TRPM6: variants seen among roughly 807,000 people sequenced by gnomAD.
TRPM6 encodes the protein channel kinase 2.
A neutral mutation model predicts 247.6 loss-of-function variants in TRPM6; 111 were observed. The observed-to-expected ratio is 0.45, with a 90% CI of 0.38 to 0.52. The LOEUF is 0.52. Among genes scored for constraint, TRPM6 ranks in the 20% least tolerant of loss-of-function variants. The pLI is 0.00. For missense variants in TRPM6, 2,126 were observed against 2,421.5 expected (o/e 0.88, Z 2.56); for synonymous variants, 892 against 853.8 (o/e 1.04, Z -0.78).
At chr9:74,887,542 G>T in intron 1 of TRPM6, 10 of 1,375,242 alleles carry the variant, frequency 7.3e-6, no homozygotes, top group Non-Finnish European at 1.0e-5. Context: ...CCCCCGCTAG[G>T]TTTCCGCTCT....
intron 7 of TRPM6, among the ~76,000 whole-genome samples, chr9:74,824,877 G>T (rs1829272911): frequency 6.6e-6 from 1 of 151,406 alleles, no homozygotes; most frequent in Non-Finnish European, 1.5e-5. Context: ...ACTTTATAAT[G>T]TGAGTCTTTT....
chr9:74,768,617 C>T (rs1334427648), intron 25 of TRPM6, among the ~76,000 whole-genome samples: 1 of 152,238 alleles, frequency 6.6e-6, no homozygotes, highest in Non-Finnish European at 1.5e-5. Flanking sequence ...ACTCTATGCT[C>T]TCCCTTAGCT....
At chr9:74,879,624 G>T (rs1831298650) in intron 1 of TRPM6, among the ~76,000 whole-genome samples, 1 of 152,044 alleles carries the variant, frequency 6.6e-6, no homozygotes, top group Non-Finnish European at 1.5e-5. Context: ...CCTGGGAGAA[G>T]AAATTTTGAC....
intron 23 of TRPM6, among the ~76,000 whole-genome samples, chr9:74,780,195 T>C (rs946732093): frequency 4.3e-5 from 6 of 140,308 alleles, no homozygotes; most frequent in Non-Finnish European, 9.2e-5. Context: ...GGGCCAGGCA[T>C]GGTGGCTCAC....
At chr9:74,776,778 A>T (rs1445275041) in intron 23 of TRPM6, among the ~76,000 whole-genome samples, 1 of 152,214 alleles carries the variant, frequency 6.6e-6, no homozygotes, top group East Asian at 1.9e-4. Context: ...TAAGTATATA[A>T]TATGATATAA....
At position 74,808,189 on chromosome 9, in the gene TRPM6, T is replaced by C. The variant is rs533282589; in HGVS notation, c.1498-15A>G. Reference sequence around the variant, plus strand: ...AGAAGGGTATGCTGCAACAAAAACATGCAACGACTTTTAACTTTTAGTTAT... The same window carrying C: ...AGAAGGGTATGCTGCAACAAAAACACGCAACGACTTTTAACTTTTAGTTAT... On this transcript the variant is annotated splice_polypyrimidine_tract_variant and intron_variant, in intron 13 of 38. Coordinates refer to ENST00000360774, the MANE Select transcript of TRPM6 (RefSeq NM_017662.5). The C allele has an allele frequency of 1.7e-5, 28 of 1,613,818 alleles. No individual in the cohort carries two copies. Among genetic ancestry groups the C allele is most frequent in the Admixed American group, 1.0e-4 (6 of 60,010 alleles).
chr9:74,821,402 C>G (rs1249995194), intron 8 of TRPM6, among the ~76,000 whole-genome samples: 1 of 152,134 alleles, frequency 6.6e-6, no homozygotes, highest in Non-Finnish European at 1.5e-5. Context: ...CTCCCTCACT[C>G]CCCCTGCAAA....
rs188182457 is a variant in TRPM6 at position 74,879,284 on chromosome 9, G to T, written c.33+8540C>A. Among the ~76,000 whole-genome samples the T allele has an allele frequency of 9.6e-4, 145 of 150,440 alleles. 2 individuals are homozygous for T. The Middle Eastern group carries it at 0.021, about 22-fold the overall frequency. On this transcript the variant is annotated intron_variant, in intron 1 of 38. Coordinates refer to ENST00000360774, the MANE Select transcript of TRPM6 (RefSeq NM_017662.5). ...AATAACCCAGTCAATGTGGTGTAAT[G>T]ATTTAAATACATATATTTGTATATG...
chr9:74,850,686 C>A (rs932622505), intron 3 of TRPM6, among the ~76,000 whole-genome samples: 1 of 151,904 alleles, frequency 6.6e-6, no homozygotes, highest in Non-Finnish European at 1.5e-5. Flanking sequence ...CACCATTGCA[C>A]TTCACCCTGG....
At chr9:74,879,327 TTATATACA>T (rs1176472541) in intron 1 of TRPM6, among the ~76,000 whole-genome samples, 4 of 150,064 alleles carry the variant, frequency 2.7e-5, no homozygotes, top group African/African-American at 4.9e-5. Context: ...TATATATGAT[TTATATACA>T]TATATACATA....
Position 74,801,927 on chromosome 9 carries a change from A to G in TRPM6, c.1980T>C (p.Asp660=), listed in dbSNP as rs199817587. ...HEAKESHMVD[D]ASEELKNYSK... is the part of the protein sequence containing the mutation. The stretch of plus-strand genomic sequence containing the variant: ...AGTAATTCTTCAACTCTTCTGAGGC[A>G]TCATCCACCATGTGACTCTCCTTAG... The change falls in exon 16 of 39, where the codon GAT becomes GAC. Residue 660 remains aspartate (D), a synonymous_variant. Transcript: ENST00000360774. 48 of 1,614,234 alleles carry G rather than the reference A, an allele frequency of 3.0e-5. No individual in the cohort carries two copies. In the East Asian group the frequency reaches 1.0e-3, roughly 34 times the overall value.
chr9:74,876,660 T>C (rs913925625), intron 1 of TRPM6, among the ~76,000 whole-genome samples: 2 of 152,240 alleles, frequency 1.3e-5, no homozygotes, highest in African/African-American at 2.4e-5. Flanking sequence ...CTTGTGCTTA[T>C]ACCAATCCCT....
intron 25 of TRPM6, among the ~76,000 whole-genome samples, chr9:74,770,124 AAC>A (rs1382789925): frequency 6.6e-6 from 1 of 152,222 alleles, no homozygotes; most frequent in Non-Finnish European, 1.5e-5. Context: ...CAGGCACAGA[AAC>A]ACAGATTTAT....
chr9:74,744,247 G>A (rs909517720), intron 31 of TRPM6, 102 bp from the exon 32 acceptor site: 3 of 1,280,302 alleles, frequency 2.3e-6, no homozygotes, highest in Non-Finnish European at 3.4e-6. Context: ...AGGTTAATCA[G>A]AATGGCTTCT....
chr9:74,845,826 C>G (rs62569729), intron 3 of TRPM6, among the ~76,000 whole-genome samples: 25,317 of 151,974 alleles, frequency 0.17, 2,391 homozygotes, highest in East Asian at 0.28. Context: ...AACTCTGTCT[C>G]AAAACAAAAC....
At chr9:74,829,232 C>CA (rs560512935) in intron 6 of TRPM6, among the ~76,000 whole-genome samples, 48 of 152,242 alleles carry the variant, frequency 3.2e-4, no homozygotes, top group Middle Eastern at 3.4e-3. Flanking sequence ...GTGGAGGTTG[C>CA]AGTGAGCCAA....
chr9:74,752,392 T>A, intron 28 of TRPM6, 24 bp from the exon 29 acceptor site: 1 of 1,298,758 alleles, frequency 7.7e-7, no homozygotes, highest in Non-Finnish European at 1.1e-6. Flanking sequence ...AGAGAAAGAT[T>A]AGAAAATACA....
At position 74,782,776 on chromosome 9, in the gene TRPM6, A is replaced by G. The variant is rs1225022018; in HGVS notation, c.2997T>C (p.Leu999=). 6 of 1,614,072 alleles carry G rather than the reference A, an allele frequency of 3.7e-6. No homozygotes were observed. The highest frequency in any genetic ancestry group is 4.2e-6 in the Non-Finnish European group (5 of 1,180,030). ...LSFGVARKAI[L]SPKEPPSWSL... Reference sequence around the variant, plus strand: ...TCCAAGATGGTGGCTCTTTTGGCGAAAGGATGGCCTTGCGTGCCACTCCAA... The same window carrying G: ...TCCAAGATGGTGGCTCTTTTGGCGAGAGGATGGCCTTGCGTGCCACTCCAA... The change falls in exon 22 of 39, where the codon CTT becomes CTC. Residue 999 remains leucine, a synonymous_variant. Coordinates refer to ENST00000360774, the MANE Select transcript of TRPM6 (RefSeq NM_017662.5).
chr9:74,751,571 G>T (rs143300042), intron 29 of TRPM6, among the ~76,000 whole-genome samples: 2 of 152,274 alleles, frequency 1.3e-5, no homozygotes, highest in East Asian at 3.9e-4. Context: ...TTCAAACAAA[G>T]ACTTAAAATT....
Sources: gnomAD v4.1 joint callset for allele counts (sites outside exome capture counted in the v4.1 genomes callset) on GRCh38, gnomAD v4.1.1 for gene constraint, MANE v1.5 for transcripts, NCBI Gene and HGNC (gene_info 2026-07-23, HGNC 2026-07-21) for gene names.